FAM240B: variants seen among roughly 807,000 people sequenced by gnomAD.
The protein encoded by FAM240B is family with sequence similarity 240 member B.
At chr9:38,705,749 G>A (rs1012047882) in intron 1 of FAM240B, among the ~76,000 whole-genome samples, 1 of 152,222 alleles carries the variant, frequency 6.6e-6, no homozygotes, top group South Asian at 2.1e-4. Context: ...CACCTGAAGG[G>A]AACAGCATGT....
chr9:38,706,605 G>A (rs1055288332), intron 1 of FAM240B, among the ~76,000 whole-genome samples: 6 of 152,156 alleles, frequency 3.9e-5, no homozygotes, highest in Non-Finnish European at 7.4e-5. Flanking sequence ...GGGTCTGAGC[G>A]TGGATTGCTT....
chr9:38,716,943 A>G (rs1288582131), intron 1 of FAM240B, among the ~76,000 whole-genome samples: 1 of 152,198 alleles, frequency 6.6e-6, no homozygotes. Flanking sequence ...TGGATGTCCC[A>G]CATTCCTGCC....
Position 38,694,765 on chromosome 9 carries a change from GCA to G in FAM240B, c.*9_*10del. The G allele has an allele frequency of 2.5e-6, 1 of 398,568 alleles. No homozygotes were observed. The highest frequency in any genetic ancestry group is 4.4e-6 in the Non-Finnish European group (1 of 226,048). The allele number at this position is 398,568 out of a possible 1,614,324, so 24.7% of individuals were successfully genotyped here. On this transcript the variant is annotated 3_prime_UTR_variant, in exon 3 of 3. Coordinates refer to ENST00000637493, the MANE Select transcript of FAM240B (RefSeq NM_001394922.1). Reference sequence around the variant, plus strand: ...GCTTGCTATCTTTGAAGTCGGTGAGGCAGGCAGAGCTCAGTCCGCGGTGTGTG... The same window carrying G: ...GCTTGCTATCTTTGAAGTCGGTGAGGGGCAGAGCTCAGTCCGCGGTGTGTG...
At chr9:38,714,093 C>T (rs1054653440) in intron 1 of FAM240B, among the ~76,000 whole-genome samples, 4 of 151,964 alleles carry the variant, frequency 2.6e-5, no homozygotes, top group African/African-American at 9.7e-5. Context: ...TTCTCAATAT[C>T]CAAAGAGGGA....
At chr9:38,700,506 C>A (rs1211199192) in intron 2 of FAM240B, among the ~76,000 whole-genome samples, 1 of 152,016 alleles carries the variant, frequency 6.6e-6, no homozygotes, top group Non-Finnish European at 1.5e-5. Flanking sequence ...ACTGGCTGGG[C>A]ACTTAGGTGT....
chr9:38,696,354 G>A (rs965454289), intron 2 of FAM240B, among the ~76,000 whole-genome samples: 4 of 152,066 alleles, frequency 2.6e-5, no homozygotes, highest in Non-Finnish European at 5.9e-5. Context: ...TATTTTGAAG[G>A]CTGTAGGCAC....
At chr9:38,714,888 G>A (rs1226065542) in intron 1 of FAM240B, among the ~76,000 whole-genome samples, 1 of 152,204 alleles carries the variant, frequency 6.6e-6, no homozygotes, top group African/African-American at 2.4e-5. Flanking sequence ...AGGAAAAACA[G>A]ACAATAAGTA....
intron 1 of FAM240B, among the ~76,000 whole-genome samples, chr9:38,718,943 AT>A (rs200943452): frequency 1.3e-5 from 2 of 152,056 alleles, no homozygotes; most frequent in East Asian, 1.9e-4. Context: ...TTGAATAGTT[AT>A]TTTTTTTAAA....
At chr9:38,708,990 G>A (rs1484716212) in intron 1 of FAM240B, among the ~76,000 whole-genome samples, 1 of 152,014 alleles carries the variant, frequency 6.6e-6, no homozygotes, top group African/African-American at 2.4e-5. Context: ...CAAAGCTCTT[G>A]GTGATGAGTT....
At chr9:38,703,319 C>G (rs1821151340) in intron 2 of FAM240B, among the ~76,000 whole-genome samples, 1 of 152,182 alleles carries the variant, frequency 6.6e-6, no homozygotes, top group Non-Finnish European at 1.5e-5. Flanking sequence ...TCCAGACCAA[C>G]CGATCTCAAG....
intron 1 of FAM240B, among the ~76,000 whole-genome samples, chr9:38,708,121 G>T (rs1437813188): frequency 6.6e-6 from 1 of 152,178 alleles, no homozygotes; most frequent in South Asian, 2.1e-4. Flanking sequence ...AAAACATGGC[G>T]TTTGGCTGGA....
At chr9:38,709,273 T>C (rs932922450) in intron 1 of FAM240B, among the ~76,000 whole-genome samples, 5 of 152,210 alleles carry the variant, frequency 3.3e-5, no homozygotes, top group African/African-American at 1.2e-4. Context: ...AGCTGTGCCA[T>C]CTTCTTCCTT....
chr9:38,696,068 C>G (rs1419149971), intron 2 of FAM240B, among the ~76,000 whole-genome samples: 4 of 152,090 alleles, frequency 2.6e-5, no homozygotes, highest in African/African-American at 9.7e-5. Flanking sequence ...TCCTAACTTC[C>G]AAGGGGATGG....
At chr9:38,707,625 ACAAAAAAAAAAC>A (rs1454181888) in intron 1 of FAM240B, among the ~76,000 whole-genome samples, 16 of 142,366 alleles carry the variant, frequency 1.1e-4, no homozygotes, top group African/African-American at 2.8e-4. Flanking sequence ...AAAAAAAAAA[ACAAAAAAAAAAC>A]CAAAAAATTA....
chr9:38,717,717 C>T (rs1480184019), intron 1 of FAM240B, among the ~76,000 whole-genome samples: 1 of 151,850 alleles, frequency 6.6e-6, no homozygotes, highest in Non-Finnish European at 1.5e-5. Flanking sequence ...ATCCTGACCT[C>T]GTGATCCGCC....
At chr9:38,718,590 T>G (rs552350124) in intron 1 of FAM240B, among the ~76,000 whole-genome samples, 2 of 152,340 alleles carry the variant, frequency 1.3e-5, no homozygotes, top group African/African-American at 4.8e-5. Flanking sequence ...AATTAATGAA[T>G]TGATGAGTCA....
At chr9:38,703,392 T>C (rs1032714094) in intron 2 of FAM240B, among the ~76,000 whole-genome samples, 1 of 152,198 alleles carries the variant, frequency 6.6e-6, no homozygotes, top group African/African-American at 2.4e-5. Flanking sequence ...TCCCCTGCAC[T>C]TGATTATCCT....
intron 1 of FAM240B, among the ~76,000 whole-genome samples, chr9:38,705,911 T>A (rs149663636): frequency 0.055 from 8,366 of 152,206 alleles, 315 homozygotes; most frequent in Non-Finnish European, 0.086. Flanking sequence ...CTAGACTACA[T>A]GCTGCTGAGC....
chr9:38,710,767 A>ATGCTCTTTATTGAG (rs1307597137), intron 1 of FAM240B, among the ~76,000 whole-genome samples: 30 of 152,270 alleles, frequency 2.0e-4, no homozygotes, highest in African/African-American at 6.3e-4. Context: ...GCTTATTTTT[A>ATGCTCTTTATTGAG]TGCTCTTTAT....
Sources: gnomAD v4.1 joint callset for allele counts (sites outside exome capture counted in the v4.1 genomes callset) on GRCh38, gnomAD v4.1.1 for gene constraint, MANE v1.5 for transcripts, NCBI Gene and HGNC (gene_info 2026-07-23, HGNC 2026-07-21) for gene names.